Variants in RAMP1 observed in about 807,000 individuals in gnomAD.
RAMP1 encodes receptor activity-modifying protein 1.
In RAMP1, 7 loss-of-function variants were observed where a neutral mutation model predicts 8.2. The ratio of observed to expected loss-of-function variants is 0.85; its 90% CI spans 0.49 to 1.60. RAMP1 has a LOEUF of 1.60. RAMP1 is among the 40% of genes most tolerant of loss of function. The probability of loss-of-function intolerance (pLI) is 0.00; values close to 1 mark genes in which losing one functional copy is unlikely to be tolerated. For synonymous variants in RAMP1, 92 were observed against 84.7 expected, an observed-to-expected ratio of 1.09 and a Z score of -0.47; for missense variants, 192 against 202.4, an observed-to-expected ratio of 0.95 and a Z score of 0.31.
At chr2:237,908,928 G>C (rs891936098) in intron 2 of RAMP1, among the ~76,000 whole-genome samples, 1 of 152,192 alleles carries the variant, frequency 6.6e-6, no homozygotes, top group East Asian at 1.9e-4. Flanking sequence ...AAGAGTCTGG[G>C]ATGGTGGAAA....
intron 2 of RAMP1, among the ~76,000 whole-genome samples, chr2:237,894,019 G>GA (rs2062513240): frequency 7.3e-6 from 1 of 136,900 alleles, no homozygotes; most frequent in Non-Finnish European, 1.5e-5. Flanking sequence ...ACCCAGGCTG[G>GA]AGTGCAGTGG....
At chr2:237,870,264 G>A (rs1012025940) in intron 1 of RAMP1, among the ~76,000 whole-genome samples, 6 of 152,178 alleles carry the variant, frequency 3.9e-5, no homozygotes, top group South Asian at 2.1e-4. Context: ...GGCCTGCCCC[G>A]AGGGCCTGGT....
Position 237,865,297 on chromosome 2 carries a change from G to GGAGGGGAGGGGAGGGCAGGGGAGAA in RAMP1, c.52+5573_52+5574insGGGAGGGGAGGGCAGGGGAGAAGAG. On this transcript the variant is annotated intron_variant, in intron 1 of 2. Coordinates refer to ENST00000254661, the MANE Select transcript of RAMP1 (RefSeq NM_005855.4). This position sits in a 1 kb window ranked among gnomAD's most constrained non-coding sequence, Gnocchi z 4.2. ...GGAGGGGAGGGGAGAGCAGGGGAGAGGAGAGGAGGGGAGGGCAGGGGAGAA... is the reference window on the plus strand; with the variant it reads ...GGAGGGGAGGGGAGAGCAGGGGAGAGGAGGGGAGGGGAGGGCAGGGGAGAAGAGAGGAGGGGAGGGCAGGGGAGAA... Among the ~76,000 whole-genome samples the GGAGGGGAGGGGAGGGCAGGGGAGAA allele has an allele frequency of 8.4e-5, 11 of 130,332 alleles. No homozygotes were observed. Among genetic ancestry groups the GGAGGGGAGGGGAGGGCAGGGGAGAA allele is most frequent in the African/African-American group, 2.6e-4 (9 of 34,754 alleles). The allele number at this position is 130,332 out of a possible 152,430, so 85.5% of individuals were successfully genotyped here.
chr2:237,883,475 G>A (rs891573141), intron 2 of RAMP1, among the ~76,000 whole-genome samples: 3 of 152,166 alleles, frequency 2.0e-5, no homozygotes, highest in Non-Finnish European at 4.4e-5. Context: ...GGCCCCCCGT[G>A]ATCCCTGCTT....
At chr2:237,887,319 C>G (rs1356056030) in intron 2 of RAMP1, among the ~76,000 whole-genome samples, 1 of 152,210 alleles carries the variant, frequency 6.6e-6, no homozygotes, top group Non-Finnish European at 1.5e-5. Flanking sequence ...CAGCAGCATT[C>G]TCAGTCCCCT....
chr2:237,907,422 T>C (rs927531735), intron 2 of RAMP1, among the ~76,000 whole-genome samples: 6 of 152,174 alleles, frequency 3.9e-5, no homozygotes, highest in Non-Finnish European at 8.8e-5. Flanking sequence ...CTCTCCTCTT[T>C]CTGGGACTCT....
chr2:237,910,875 A>G (rs551153521), intron 2 of RAMP1, among the ~76,000 whole-genome samples: 3 of 152,044 alleles, frequency 2.0e-5, no homozygotes, highest in Admixed American at 6.5e-5. Context: ...ACAGAGAATA[A>G]CAGTCACACA....
rs1193736518 is a variant in RAMP1, at chr2:237,911,548, A to G, written c.212A>G (p.Asp71Gly). 1.9e-6 allele frequency: 3 copies of G among 1,614,066 alleles called. No individual in the cohort carries two copies. The highest frequency in any genetic ancestry group is 1.1e-5 in the South Asian group (1 of 91,078). The change falls in exon 3 of 3, where the codon GAC (aspartate) becomes GGC (glycine). Residue 71 changes from aspartate (D) to glycine (G), a missense_variant. By Grantham distance (94) the Asp-to-Gly change is moderately conservative. Transcript: ENST00000254661. ...CGCAGGAGCTACAGGGAGCTGGCCG[A>G]CTGCACCTGGCACATGGCGGAGAAG... ...RTIRSYRELA[D>G]CTWHMAEKLG...
intron 2 of RAMP1, among the ~76,000 whole-genome samples, chr2:237,902,295 A>G (rs1199098648): frequency 2.3e-4 from 17 of 73,606 alleles, no homozygotes; most frequent in Admixed American, 5.3e-4. Context: ...AGGGATCGGG[A>G]GGAGGAGGAG....
intron 2 of RAMP1, among the ~76,000 whole-genome samples, chr2:237,910,638 A>T (rs972441557): frequency 6.6e-6 from 1 of 150,768 alleles, no homozygotes; most frequent in Admixed American, 6.6e-5. Flanking sequence ...CACACAGAAT[A>T]ACACAGCTAT....
intron 1 of RAMP1, among the ~76,000 whole-genome samples, chr2:237,861,047 A>T (rs908890446): frequency 6.4e-4 from 98 of 152,330 alleles, no homozygotes; most frequent in African/African-American, 2.2e-3. Context: ...ATTTACTAAG[A>T]AACAAACATT....
rs371746038 is a variant in RAMP1, at chr2:237,911,802, G to C, written c.*19G>C. 1 of 1,577,492 alleles carries C rather than the reference G, an allele frequency of 6.3e-7. No individual in the cohort carries two copies. Among genetic ancestry groups the C allele is most frequent in the South Asian group, 1.1e-5 (1 of 87,452 alleles). ...TGTGTAGGCGGGGCCCAGGCTGCCC[G>C]CGGGTGCACCCAGGCTGCAGGGTGA... is the stretch of plus-strand genomic sequence containing the variant. On this transcript the variant is annotated 3_prime_UTR_variant, in exon 3 of 3. Coordinates refer to ENST00000254661, the MANE Select transcript of RAMP1 (RefSeq NM_005855.4).
At chr2:237,869,364 A>G (rs1312707531) in intron 1 of RAMP1, among the ~76,000 whole-genome samples, 1 of 152,246 alleles carries the variant, frequency 6.6e-6, no homozygotes, top group African/African-American at 2.4e-5. Context: ...GCTGCTGTAC[A>G]ACCATCGCCA....
At position 237,872,494 on chromosome 2, in the gene RAMP1, GC is replaced by G. The variant is rs2062256533; in HGVS notation, c.53-4729del. Among the ~76,000 whole-genome samples the G allele has an allele frequency of 1.4e-4, 22 of 152,312 alleles. No homozygotes were observed. In the South Asian group the frequency reaches 4.6e-3, roughly 32 times the overall value. On this transcript the variant is annotated intron_variant, in intron 1 of 2. Transcript: ENST00000254661. ...CTGAGGAAGCCCATCTGCAGCCGGG[GC>G]TCCTGGCCAAGGGTCTCAGAGCCTC...
In RAMP1 at chr2:237,868,592, A is replaced by AC. The variant is rs1425650684; in HGVS notation, c.53-8632_53-8631insC. Among the ~76,000 whole-genome samples, 97 of 54,428 alleles carry AC rather than the reference A, an allele frequency of 1.8e-3. No homozygotes were observed. In the African/African-American group the frequency reaches 0.02, roughly 11 times the overall value. The allele number at this position is 54,428 out of a possible 152,430, so 35.7% of individuals were successfully genotyped here. The stretch of plus-strand genomic sequence containing the variant: ...CTCCCCCCACCAAAAAAAAAAAACA[A>AC]AAAAAAAAAAACAGTTCCTGAGTTT... On this transcript the variant is annotated intron_variant, in intron 1 of 2. Transcript: ENST00000254661.
intron 1 of RAMP1, among the ~76,000 whole-genome samples, chr2:237,871,241 G>A (rs1316086842): frequency 6.6e-6 from 1 of 152,244 alleles, no homozygotes; most frequent in Non-Finnish European, 1.5e-5. Context: ...GCTTCAGCCA[G>A]CTGACCCCTA....
chr2:237,903,872 T>C (rs2062629948), intron 2 of RAMP1, among the ~76,000 whole-genome samples: 1 of 152,172 alleles, frequency 6.6e-6, no homozygotes, highest in African/African-American at 2.4e-5. Context: ...TTTTTTGTAT[T>C]TTTGGTAGAG....
At chr2:237,868,390 C>T (rs2062210894) in intron 1 of RAMP1, among the ~76,000 whole-genome samples, 1 of 152,110 alleles carries the variant, frequency 6.6e-6, no homozygotes, top group Admixed American at 6.6e-5. Context: ...ACATTTTCCT[C>T]TGAAGTTGTT....
intron 2 of RAMP1, among the ~76,000 whole-genome samples, chr2:237,897,385 C>A (rs956825951): frequency 6.6e-6 from 1 of 152,244 alleles, no homozygotes; most frequent in African/African-American, 2.4e-5. Context: ...GCTTCATCAG[C>A]ATGCTCTACA....
Sources: gnomAD v4.1 joint callset for allele counts (sites outside exome capture counted in the v4.1 genomes callset) on GRCh38, gnomAD v4.1.1 for gene constraint, Gnocchi (gnomAD v3.1) non-coding constraint, MANE v1.5 for transcripts, NCBI Gene and HGNC (gene_info 2026-07-23, HGNC 2026-07-21) for gene names.